The following BTBD10 variants were observed in gnomAD, a reference collection of about 807,000 sequenced individuals.
BTBD10 encodes the protein BTB/POZ domain-containing protein 10.
A neutral mutation model predicts 53.2 loss-of-function variants in BTBD10; 21 were observed. The ratio of observed to expected loss-of-function variants is 0.39; its 90% confidence interval spans 0.28 to 0.57. The LOEUF is 0.57. BTBD10 is among the 20% of genes least tolerant of loss of function. The pLI, the probability that BTBD10 is intolerant of heterozygous loss-of-function variation, is 0.53. For synonymous variants in BTBD10, 149 were observed against 192.7 expected (o/e 0.77, Z 1.88); for missense variants, 360 against 594.7 (o/e 0.61, Z 4.10).
chr11:13,453,550 G>A (rs1950906315), intron 1 of BTBD10, among the ~76,000 whole-genome samples: 1 of 152,094 alleles, frequency 6.6e-6, no homozygotes, highest in Admixed American at 6.5e-5. Context: ...TTTCTTCCTT[G>A]TTTAATTTTA....
At chr11:13,413,744 C>A in intron 5 of BTBD10, 94 bp from the exon 6 acceptor site, 3 of 1,192,896 alleles carry the variant, frequency 2.5e-6, no homozygotes, top group Non-Finnish European at 3.4e-6. Flanking sequence ...TTTTCAGAAA[C>A]AGTAGAGAAC....
rs1490159315 is a variant in BTBD10 at position 13,397,862 on chromosome 11, T to C, written c.1117+5306A>G. 2.0e-5 allele frequency among the ~76,000 whole-genome samples: 3 copies of C among 152,252 alleles called. No homozygotes were observed. In the East Asian group the frequency reaches 5.8e-4, roughly 29 times the overall value. The stretch of plus-strand genomic sequence containing the variant: ...TGTAGTTGAGTGGTTTTGAGTGAGT[T>C]TCTTAATCCTGAGTTCTAGTTGGAT... On this transcript the variant is annotated intron_variant, in intron 8 of 8. Coordinates refer to ENST00000278174, the MANE Select transcript of BTBD10 (RefSeq NM_032320.7).
intron 1 of BTBD10, chr11:13,462,773 G>C (rs753239408): frequency 2.4e-4 from 37 of 152,480 alleles, no homozygotes; most frequent in African/African-American, 7.5e-4. Context: ...GACAGGAAAG[G>C]GGCGGGGCAC....
At chr11:13,447,756 T>C (rs553409722) in intron 1 of BTBD10, among the ~76,000 whole-genome samples, 1 of 152,162 alleles carries the variant, frequency 6.6e-6, no homozygotes, top group Non-Finnish European at 1.5e-5. Context: ...CATTTGTCAA[T>C]AAAACTTAGG....
chr11:13,430,688 C>T (rs891918260), intron 2 of BTBD10, among the ~76,000 whole-genome samples: 1 of 151,978 alleles, frequency 6.6e-6, no homozygotes, highest in Non-Finnish European at 1.5e-5. Flanking sequence ...GAATACTACT[C>T]AACATAAAAA....
At chr11:13,452,858 A>T (rs1329409808) in intron 1 of BTBD10, among the ~76,000 whole-genome samples, 1 of 152,228 alleles carries the variant, frequency 6.6e-6, no homozygotes, top group Non-Finnish European at 1.5e-5. Flanking sequence ...TATATAACAC[A>T]GTGCTAGGCA....
At chr11:13,435,668 A>G (rs1415377398) in intron 2 of BTBD10, among the ~76,000 whole-genome samples, 1 of 151,958 alleles carries the variant, frequency 6.6e-6, no homozygotes, top group Admixed American at 6.6e-5. Context: ...AATTTTTTGT[A>G]TTTTTAGTAG....
At chr11:13,429,540 GAAGA>G (rs1229598527) in intron 2 of BTBD10, among the ~76,000 whole-genome samples, 3 of 151,658 alleles carry the variant, frequency 2.0e-5, no homozygotes, top group South Asian at 2.1e-4. Flanking sequence ...ACAATTCAGG[GAAGA>G]AAGAGTTTTT....
Position 13,396,578 on chromosome 11 carries a change from G to A in BTBD10, c.1117+6590C>T, listed in dbSNP as rs534599314. Reference sequence around the variant, plus strand: ...CCTGGCCAGAACTTCCAACACTATGGTGAATAGTTGTGGTGAGAGAGGGCA... The same window carrying A: ...CCTGGCCAGAACTTCCAACACTATGATGAATAGTTGTGGTGAGAGAGGGCA... On this transcript the variant is annotated intron_variant, in intron 8 of 8. Transcript: ENST00000278174. Among the ~76,000 whole-genome samples the A allele has an allele frequency of 3.9e-5, 6 of 152,232 alleles. No homozygotes were observed. In the South Asian group the frequency reaches 8.3e-4, roughly 21 times the overall value.
chr11:13,436,460 T>C (rs1950545028), intron 2 of BTBD10, among the ~76,000 whole-genome samples: 1 of 152,222 alleles, frequency 6.6e-6, no homozygotes, highest in Non-Finnish European at 1.5e-5. Flanking sequence ...GCCTTAGTTC[T>C]ACCTGCTGGG....
intron 8 of BTBD10, among the ~76,000 whole-genome samples, chr11:13,400,199 T>G (rs963912691): frequency 6.6e-6 from 1 of 152,244 alleles, no homozygotes; most frequent in Non-Finnish European, 1.5e-5. Context: ...CTCCACCCAG[T>G]TCGAGCTTCC....
chr11:13,424,768 AAC>A (rs1950305931), intron 2 of BTBD10, among the ~76,000 whole-genome samples: 1 of 152,206 alleles, frequency 6.6e-6, no homozygotes, highest in Non-Finnish European at 1.5e-5. Context: ...TATAGGAAAC[AAC>A]AGTCTGCAAG....
At chr11:13,423,382 C>G (rs959694989) in intron 2 of BTBD10, among the ~76,000 whole-genome samples, 1 of 152,074 alleles carries the variant, frequency 6.6e-6, no homozygotes, top group Non-Finnish European at 1.5e-5. Flanking sequence ...TATTTATTTT[C>G]TAAGGTGAAT....
chr11:13,433,618 T>C (rs1950493996), intron 2 of BTBD10, among the ~76,000 whole-genome samples: 1 of 152,226 alleles, frequency 6.6e-6, no homozygotes, highest in South Asian at 2.1e-4. Flanking sequence ...CTATGGCTCA[T>C]GGGCCAAATT....
chr11:13,453,110 T>A (rs1327449339), intron 1 of BTBD10, among the ~76,000 whole-genome samples: 1 of 152,166 alleles, frequency 6.6e-6, no homozygotes, highest in Non-Finnish European at 1.5e-5. Flanking sequence ...ATCTAAATGT[T>A]CATCTAGTTT....
intron 8 of BTBD10, among the ~76,000 whole-genome samples, chr11:13,398,488 C>G (rs1419086350): frequency 1.2e-4 from 18 of 152,286 alleles, no homozygotes; most frequent in African/African-American, 4.1e-4. Flanking sequence ...GGTCTTGACT[C>G]TTTATCCAAT....
At chr11:13,438,451 A>T (rs1303004681) in intron 2 of BTBD10, among the ~76,000 whole-genome samples, 1 of 152,068 alleles carries the variant, frequency 6.6e-6, no homozygotes, top group Non-Finnish European at 1.5e-5. Flanking sequence ...CTGATCAGTT[A>T]TCAGAAAAAT....
chr11:13,425,365 T>C (rs1449471838), intron 2 of BTBD10, among the ~76,000 whole-genome samples: 1 of 152,090 alleles, frequency 6.6e-6, no homozygotes, highest in Non-Finnish European at 1.5e-5. Flanking sequence ...AGCTCAAGAA[T>C]ATTTATAAGA....
chr11:13,390,850 G>C (rs1051487754), intron 8 of BTBD10, among the ~76,000 whole-genome samples: 1 of 152,154 alleles, frequency 6.6e-6, no homozygotes, highest in Non-Finnish European at 1.5e-5. Context: ...TATGTGGTGG[G>C]GGTGAGATAG....
Sources: gnomAD v4.1 joint callset for allele counts (sites outside exome capture counted in the v4.1 genomes callset) on GRCh38, gnomAD v4.1.1 for gene constraint, MANE v1.5 for transcripts, NCBI Gene and HGNC (gene_info 2026-07-23, HGNC 2026-07-21) for gene names.